LDB2: variants seen among roughly 807,000 people sequenced by gnomAD.
The protein encoded by LDB2 is LIM domain-binding protein 2.
A neutral mutation model predicts 44.3 loss-of-function variants in LDB2; 12 were observed. The ratio of observed to expected loss-of-function variants is 0.27; its 90% confidence interval spans 0.17 to 0.44. LDB2 has a LOEUF of 0.44. LDB2 is among the 20% of genes least tolerant of loss of function. LDB2 has a pLI of 1.00. For synonymous variants in LDB2, 164 were observed against 174.8 expected (o/e 0.94, Z 0.49); for missense variants, 344 against 473.5 (o/e 0.73, Z 2.54).
intron 1 of LDB2, among the ~76,000 whole-genome samples, chr4:16,786,616 A>G (rs891472377): frequency 2.6e-5 from 4 of 152,180 alleles, no homozygotes; most frequent in African/African-American, 9.7e-5. Flanking sequence ...GAAACTAGCA[A>G]GAGTATATTC....
At chr4:16,877,465 G>C (rs889897992) in intron 1 of LDB2, among the ~76,000 whole-genome samples, 6 of 152,180 alleles carry the variant, frequency 3.9e-5, no homozygotes, top group African/African-American at 1.2e-4. Flanking sequence ...GCAACTAACT[G>C]GGAAAGTCAA....
At chr4:16,796,628 A>T (rs1264905505) in intron 1 of LDB2, among the ~76,000 whole-genome samples, 1 of 151,796 alleles carries the variant, frequency 6.6e-6, no homozygotes, top group South Asian at 2.1e-4. Flanking sequence ...GGGCTTAGTG[A>T]CTTCCTTCCA....
At chr4:16,854,566 T>C (rs1788947505) in intron 1 of LDB2, among the ~76,000 whole-genome samples, 1 of 151,230 alleles carries the variant, frequency 6.6e-6, no homozygotes, top group African/African-American at 2.4e-5. Flanking sequence ...TATTGTTTAT[T>C]GTTAAAAAAA....
chr4:16,717,592 G>A (rs1032132603), intron 2 of LDB2, among the ~76,000 whole-genome samples: 1 of 152,128 alleles, frequency 6.6e-6, no homozygotes, highest in African/African-American at 2.4e-5. Context: ...AAAGTTTTCT[G>A]TATGTCTCAA....
At chr4:16,855,378 C>T (rs567373105) in intron 1 of LDB2, among the ~76,000 whole-genome samples, 72 of 152,160 alleles carry the variant, frequency 4.7e-4, no homozygotes, top group African/African-American at 1.6e-3. Context: ...TATATCTCTA[C>T]CATCGAGTAC....
chr4:16,614,015 C>G (rs1444321047), intron 2 of LDB2, among the ~76,000 whole-genome samples: 1 of 152,178 alleles, frequency 6.6e-6, no homozygotes, highest in African/African-American at 2.4e-5. Flanking sequence ...TGACTTCAAA[C>G]TATACTACAA....
In LDB2 at chr4:16,675,379, C is replaced by T. The variant is rs576306455; in HGVS notation, c.236-79504G>A. 3.0e-4 allele frequency among the ~76,000 whole-genome samples: 45 copies of T among 152,122 alleles called. 1 individual carries two copies. In the South Asian group the frequency reaches 3.9e-3, roughly 13 times the overall value. On this transcript the variant is annotated intron_variant, in intron 2 of 7. Coordinates refer to ENST00000304523, the MANE Select transcript of LDB2 (RefSeq NM_001290.5). ...TGTGACTTCAATATAAATCAAAATACAAAACAGTAATAAAATGCATCTCTA... is the reference window on the plus strand; with the variant it reads ...TGTGACTTCAATATAAATCAAAATATAAAACAGTAATAAAATGCATCTCTA...
chr4:16,776,013 G>A (rs546267712), intron 1 of LDB2, among the ~76,000 whole-genome samples: 2 of 152,266 alleles, frequency 1.3e-5, no homozygotes, highest in Non-Finnish European at 2.9e-5. Context: ...CAACTTGCAA[G>A]AGAAAAGAGA....
intron 2 of LDB2, among the ~76,000 whole-genome samples, chr4:16,668,237 A>G (rs1055697336): frequency 6.6e-6 from 1 of 152,150 alleles, no homozygotes; most frequent in Non-Finnish European, 1.5e-5. Context: ...CTTGAAAAAC[A>G]CTTTGGCAAA....
intron 2 of LDB2, among the ~76,000 whole-genome samples, chr4:16,723,317 G>T (rs1425827161): frequency 2.0e-5 from 3 of 152,192 alleles, no homozygotes; most frequent in Admixed American, 6.5e-5. Context: ...CACCTGGTGA[G>T]AGTCATCCCA....
At chr4:16,715,848 C>G (rs1756971245) in intron 2 of LDB2, among the ~76,000 whole-genome samples, 1 of 152,136 alleles carries the variant, frequency 6.6e-6, no homozygotes, top group African/African-American at 2.4e-5. Flanking sequence ...AGTGGTGGTG[C>G]TGCTGCTGTA....
intron 2 of LDB2, among the ~76,000 whole-genome samples, chr4:16,669,354 C>A (rs1377358858): frequency 1.3e-5 from 2 of 152,106 alleles, no homozygotes; most frequent in African/African-American, 4.8e-5. Flanking sequence ...CTATCAGTTC[C>A]CTTCATCTCA....
intron 2 of LDB2, among the ~76,000 whole-genome samples, chr4:16,646,527 G>A (rs1267534629): frequency 2.6e-5 from 4 of 152,202 alleles, no homozygotes; most frequent in Non-Finnish European, 4.4e-5. Context: ...GTTCAACATG[G>A]CCTCTTGCAC....
intron 1 of LDB2, among the ~76,000 whole-genome samples, chr4:16,780,835 A>G (rs1773053084): frequency 6.6e-6 from 1 of 152,116 alleles, no homozygotes; most frequent in Admixed American, 6.5e-5. Flanking sequence ...ACTAAATGGT[A>G]AGAATTGATG....
intron 5 of LDB2, among the ~76,000 whole-genome samples, chr4:16,561,799 A>G (rs1742411991): frequency 6.6e-6 from 1 of 152,216 alleles, no homozygotes. Flanking sequence ...TGGAGGCATC[A>G]CGCTACCTGA....
chr4:16,690,279 G>A (rs1750310804), intron 2 of LDB2, among the ~76,000 whole-genome samples: 1 of 151,686 alleles, frequency 6.6e-6, no homozygotes, highest in Admixed American at 6.6e-5. Context: ...TGGGCAACAT[G>A]AGAAAACACC....
intron 5 of LDB2, among the ~76,000 whole-genome samples, chr4:16,568,929 A>G (rs1745477034): frequency 6.6e-6 from 1 of 152,226 alleles, no homozygotes; most frequent in Non-Finnish European, 1.5e-5. Context: ...GCAAGGTTTT[A>G]TCTTTCCTGC....
intron 2 of LDB2, among the ~76,000 whole-genome samples, chr4:16,674,474 A>G (rs1436749651): frequency 6.6e-6 from 1 of 152,146 alleles, no homozygotes; most frequent in African/African-American, 2.4e-5. Context: ...TATGTGGCCT[A>G]TAGGGTGGAT....
chr4:16,509,838 G>A (rs368584920), intron 6 of LDB2, among the ~76,000 whole-genome samples: 30 of 152,130 alleles, frequency 2.0e-4, no homozygotes, highest in African/African-American at 5.8e-4. Context: ...TATGCTGGAC[G>A]GGTGCCATGG....
Sources: allele counts gnomAD v4.1 joint callset (sites outside exome capture counted in the v4.1 genomes callset), GRCh38; gene constraint gnomAD v4.1.1; transcripts MANE v1.5; gene names NCBI Gene and HGNC (gene_info 2026-07-23, HGNC 2026-07-21).